AFF3: variants seen among roughly 807,000 people sequenced by gnomAD.
The protein encoded by AFF3 is AF4/FMR2 family member 3.
A neutral mutation model predicts 129.7 loss-of-function variants in AFF3; 32 were observed. The ratio of observed to expected loss-of-function variants is 0.25; its 90% CI spans 0.19 to 0.33. The LOEUF (loss-of-function observed/expected upper bound fraction) is 0.33, where lower values mean the gene tolerates loss of function less well. Ranked by LOEUF, AFF3 falls within the 10% of genes least tolerant of loss-of-function variation. The probability of loss-of-function intolerance (pLI) is 1.00; values close to 1 mark genes in which losing one functional copy is unlikely to be tolerated. For synonymous variants in AFF3, 644 were observed against 635.4 expected, an observed-to-expected ratio of 1.01 and a Z score of -0.20; for missense variants, 1,373 against 1,592.0, an observed-to-expected ratio of 0.86 and a Z score of 2.34.
chr2:99,861,226 C>T (rs1690973923), intron 7 of AFF3, among the ~76,000 whole-genome samples: 1 of 152,214 alleles, frequency 6.6e-6, no homozygotes, highest in Non-Finnish European at 1.5e-5. Flanking sequence ...TTGCCACTGA[C>T]TCTGTTTCAT....
At chr2:99,564,007 A>G (rs1675746074) in intron 20 of AFF3, among the ~76,000 whole-genome samples, 1 of 152,022 alleles carries the variant, frequency 6.6e-6, no homozygotes, top group African/African-American at 2.4e-5. Context: ...CTTTGATGGT[A>G]TATCTGGCTG....
At chr2:100,062,112 T>C (rs1463355421) in intron 4 of AFF3, among the ~76,000 whole-genome samples, 2 of 152,222 alleles carry the variant, frequency 1.3e-5, no homozygotes, top group African/African-American at 4.8e-5. Context: ...AAGGTCATCC[T>C]GCCCAAGAGA....
chr2:99,641,960 T>A (rs1377454377), intron 13 of AFF3, among the ~76,000 whole-genome samples: 1 of 152,174 alleles, frequency 6.6e-6, no homozygotes, highest in Non-Finnish European at 1.5e-5. Flanking sequence ...AGTGGAATCC[T>A]TGGGTAATGA....
chr2:100,042,735 G>T (rs1047797702), intron 4 of AFF3, among the ~76,000 whole-genome samples: 1 of 152,186 alleles, frequency 6.6e-6, no homozygotes, highest in African/African-American at 2.4e-5. Flanking sequence ...GGCTGGGAAA[G>T]CTCTCTGAGG....
chr2:100,046,632 G>A (rs1033764682), intron 4 of AFF3, among the ~76,000 whole-genome samples: 19 of 152,152 alleles, frequency 1.2e-4, no homozygotes, highest in Non-Finnish European at 2.1e-4. Flanking sequence ...AAAAAGTCAC[G>A]TCATGTTTGA....
intron 7 of AFF3, among the ~76,000 whole-genome samples, chr2:99,855,833 CTG>C (rs1013289797): frequency 6.6e-6 from 1 of 152,124 alleles, no homozygotes; most frequent in Admixed American, 6.5e-5. Flanking sequence ...CTGTCAAACA[CTG>C]TCTCTGCCAA....
rs962603712 is a variant in AFF3 at position 100,032,523 on chromosome 2, A to G, written c.54-23591T>C. 3.3e-5 allele frequency among the ~76,000 whole-genome samples: 5 copies of G among 152,216 alleles called. 1 individual carries two copies. The South Asian group carries it at 8.3e-4, about 25-fold the overall frequency. On this transcript the variant is annotated intron_variant, in intron 4 of 24. Coordinates refer to ENST00000672756, the MANE Select transcript of AFF3 (RefSeq NM_001386135.1). ...ATCTAAGTTCTGTCGAAGTTCTCAA[A>G]GTTATAACCAATTCAATGAATTGTG...
intron 10 of AFF3, among the ~76,000 whole-genome samples, chr2:99,739,284 G>A (rs1239217893): frequency 2.0e-5 from 3 of 151,952 alleles, no homozygotes; most frequent in African/African-American, 7.3e-5. Flanking sequence ...GCTGTGTCAC[G>A]ACCTTCCCTG....
intron 7 of AFF3, among the ~76,000 whole-genome samples, chr2:99,902,059 T>C (rs1694381118): frequency 1.3e-5 from 2 of 151,354 alleles, no homozygotes; most frequent in South Asian, 4.2e-4. Flanking sequence ...GAGGCAGAGG[T>C]CCCTCCTGGG....
chr2:99,814,489 C>A (rs1687058183), intron 8 of AFF3, among the ~76,000 whole-genome samples: 1 of 152,170 alleles, frequency 6.6e-6, no homozygotes, highest in Non-Finnish European at 1.5e-5. Context: ...GAAAGGGAGG[C>A]ACTACCTTCA....
At chr2:100,057,592 A>G (rs751720780) in intron 4 of AFF3, among the ~76,000 whole-genome samples, 18 of 152,190 alleles carry the variant, frequency 1.2e-4, no homozygotes, top group South Asian at 2.1e-4. Context: ...GCAACATGGT[A>G]TCTGTGACTC....
intron 8 of AFF3, among the ~76,000 whole-genome samples, chr2:99,779,508 G>A (rs1196791769): frequency 6.6e-6 from 1 of 150,570 alleles, no homozygotes; most frequent in Non-Finnish European, 1.5e-5. Flanking sequence ...CACAGTCACA[G>A]TTATTATTCT....
chr2:100,045,294 G>A (rs1402512119), intron 4 of AFF3, among the ~76,000 whole-genome samples: 4 of 152,112 alleles, frequency 2.6e-5, no homozygotes, highest in South Asian at 2.1e-4. Context: ...AGCAACAGTC[G>A]CATGTTCACC....
intron 13 of AFF3, among the ~76,000 whole-genome samples, chr2:99,633,850 G>A (rs1393058862): frequency 6.6e-6 from 1 of 150,700 alleles, no homozygotes; most frequent in Non-Finnish European, 1.5e-5. Context: ...TGATGTCAGT[G>A]CCCCACTTCC....
At chr2:99,904,858 C>A (rs546487594) in intron 7 of AFF3, among the ~76,000 whole-genome samples, 28 of 152,022 alleles carry the variant, frequency 1.8e-4, no homozygotes, top group Non-Finnish European at 3.1e-4. Flanking sequence ...CCCCTTAGGT[C>A]TAGAGTTCGA....
chr2:99,903,189 T>C (rs1694476218), intron 7 of AFF3, among the ~76,000 whole-genome samples: 1 of 152,180 alleles, frequency 6.6e-6, no homozygotes. Flanking sequence ...TTGTGTGCCA[T>C]TTAGAGAGAA....
chr2:100,122,256 G>A (rs1333548866), intron 2 of AFF3, among the ~76,000 whole-genome samples: 1 of 152,004 alleles, frequency 6.6e-6, no homozygotes, highest in South Asian at 2.1e-4. Flanking sequence ...CTTTCCTAGA[G>A]CCCATCTTTT....
In AFF3 at chr2:99,742,528, A is replaced by T. The variant is rs916794387; in HGVS notation, c.1039+1576T>A. Among the ~76,000 whole-genome samples, 5 of 152,208 alleles carry T rather than the reference A, an allele frequency of 3.3e-5. No individual in the cohort carries two copies. In the South Asian group the frequency reaches 1.0e-3, roughly 32 times the overall value. ...ATTGCAGTGAATATTATAGCATGCC[A>T]TAAAAATATGCCGGGTGCACACAGA... is the stretch of plus-strand genomic sequence containing the variant. On this transcript the variant is annotated intron_variant, in intron 10 of 24. Transcript: ENST00000672756.
At chr2:99,766,384 G>T (rs892771216) in intron 8 of AFF3, among the ~76,000 whole-genome samples, 1 of 152,178 alleles carries the variant, frequency 6.6e-6, no homozygotes, top group Admixed American at 6.5e-5. Flanking sequence ...TCACTGAATG[G>T]CATTGCCCTA....
Sources: gnomAD v4.1 joint callset for allele counts (sites outside exome capture counted in the v4.1 genomes callset) on GRCh38, gnomAD v4.1.1 for gene constraint, MANE v1.5 for transcripts, NCBI Gene and HGNC (gene_info 2026-07-23, HGNC 2026-07-21) for gene names.